Variants in RPS6KA2 observed in about 807,000 individuals in gnomAD.
RPS6KA2 encodes the protein ribosomal protein S6 kinase A2.
In RPS6KA2, 42 loss-of-function variants were observed where a neutral mutation model predicts 91.8. That is an observed-to-expected ratio of 0.46 (90% CI 0.36 to 0.59). The LOEUF (loss-of-function observed/expected upper bound fraction) is 0.59, where lower values mean the gene tolerates loss of function less well. Ranked by LOEUF, RPS6KA2 falls within the 20% of genes least tolerant of loss-of-function variation. The probability of loss-of-function intolerance (pLI) is 0.00; values close to 1 mark genes in which losing one functional copy is unlikely to be tolerated. For missense variants in RPS6KA2, 798 were observed against 978.5 expected, an observed-to-expected ratio of 0.82 and a Z score of 2.46; for synonymous variants, 414 against 393.6, an observed-to-expected ratio of 1.05 and a Z score of -0.61.
chr6:166,774,060 A>T (rs1778550194), intron 2 of RPS6KA2, among the ~76,000 whole-genome samples: 1 of 152,214 alleles, frequency 6.6e-6, no homozygotes, highest in Non-Finnish European at 1.5e-5. Flanking sequence ...TTAAGTCTAG[A>T]AAGTGACCCA....
rs1288852065 is a variant in RPS6KA2, at chr6:166,821,529, G to GC, written c.123+36670dup. On this transcript the variant is annotated intron_variant, in intron 2 of 21. Coordinates refer to the RPS6KA2 transcript ENST00000503859. This position sits in a 1 kb window ranked among gnomAD's most constrained non-coding sequence, Gnocchi z 4.1. The stretch of plus-strand genomic sequence containing the variant: ...TCCATCCTTAGCCTGGCACGGGTCT[G>GC]CCCTGTCCATGTGCATCCTCCGTGT... Among the ~76,000 whole-genome samples the GC allele has an allele frequency of 6.6e-6, 1 of 152,162 alleles. No individual in the cohort carries two copies. Among genetic ancestry groups the GC allele is most frequent in the East Asian group, 1.9e-4 (1 of 5,190 alleles).
intron 1 of RPS6KA2, among the ~76,000 whole-genome samples, chr6:166,580,491 G>A (rs1465987139): frequency 1.3e-5 from 2 of 152,228 alleles, no homozygotes; most frequent in African/African-American, 4.8e-5. Context: ...AGAAAAGAAA[G>A]GTGAGTGCAT....
chr6:166,839,643 C>A, intron 2 of RPS6KA2, among the ~76,000 whole-genome samples: 1 of 80,020 alleles, frequency 1.2e-5, no homozygotes, highest in Non-Finnish European at 2.5e-5. Flanking sequence ...CCAATGTAGT[C>A]ACAAGGGTGC....
intron 2 of RPS6KA2, among the ~76,000 whole-genome samples, chr6:166,689,165 C>T (rs977923485): frequency 6.6e-6 from 1 of 152,272 alleles, no homozygotes; most frequent in Non-Finnish European, 1.5e-5. Context: ...CCAAAGCCCT[C>T]GCTTTCTCAG....
At chr6:166,509,142 G>C (rs536249096) in intron 4 of RPS6KA2, among the ~76,000 whole-genome samples, 1 of 152,308 alleles carries the variant, frequency 6.6e-6, no homozygotes, top group African/African-American at 2.4e-5. Flanking sequence ...TAGAAACATA[G>C]CCCCCAGCTA....
intron 2 of RPS6KA2, among the ~76,000 whole-genome samples, chr6:166,851,240 C>A (rs1780733796): frequency 6.6e-6 from 1 of 152,180 alleles, no homozygotes; most frequent in African/African-American, 2.4e-5. Flanking sequence ...AGCCACGCCA[C>A]CAGTCCTCAG....
intron 2 of RPS6KA2, among the ~76,000 whole-genome samples, chr6:166,797,918 C>A (rs1214269103): frequency 6.6e-6 from 1 of 151,948 alleles, no homozygotes; most frequent in African/African-American, 2.4e-5. Flanking sequence ...GTAAAAGAAT[C>A]AAACCTTGAT....
chr6:166,646,333 A>T (rs772916458), intron 2 of RPS6KA2, among the ~76,000 whole-genome samples: 5 of 152,148 alleles, frequency 3.3e-5, no homozygotes, highest in Non-Finnish European at 7.4e-5. Flanking sequence ...CTGGACCCAC[A>T]CGCCCACACG....
chr6:166,641,586 A>C (rs1009175464), intron 2 of RPS6KA2, among the ~76,000 whole-genome samples: 2 of 151,446 alleles, frequency 1.3e-5, no homozygotes, highest in African/African-American at 4.9e-5. Flanking sequence ...CAGCCAGTGT[A>C]GTGGTGCATG....
chr6:166,762,041 G>A (rs1242575362), intron 2 of RPS6KA2, among the ~76,000 whole-genome samples: 2 of 152,220 alleles, frequency 1.3e-5, no homozygotes, highest in African/African-American at 4.8e-5. Flanking sequence ...GCAGACAGGA[G>A]TGAGAAGCAG....
intron 2 of RPS6KA2, among the ~76,000 whole-genome samples, chr6:166,695,315 C>T (rs1188676270): frequency 6.6e-6 from 1 of 152,170 alleles, no homozygotes; most frequent in Non-Finnish European, 1.5e-5. Context: ...ACAAACACAA[C>T]ACAAACAGAA....
chr6:166,786,641 A>C (rs933483360), intron 2 of RPS6KA2, among the ~76,000 whole-genome samples: 1 of 152,236 alleles, frequency 6.6e-6, no homozygotes, highest in Admixed American at 6.5e-5. Context: ...ATAAACAAAA[A>C]TGCTACAATT....
rs1780192985 is a variant in RPS6KA2, at chr6:166,459,148, C to A, written c.1075+301G>T. 6.6e-6 allele frequency among the ~76,000 whole-genome samples: 1 copy of A among 152,192 alleles called. No homozygotes were observed. The highest frequency in any genetic ancestry group is 1.5e-5 in the Non-Finnish European group (1 of 68,036). ...GAGGGATTTTAATTGCCTCCAGTTT[C>A]TTTTCTTGCTCTTGCTGTGTGTCTC... On this transcript the variant is annotated intron_variant, in intron 12 of 20. Transcript: ENST00000265678. This position sits in a 1 kb window ranked among gnomAD's most constrained non-coding sequence, Gnocchi z 4.9.
chr6:166,565,809 C>T (rs567799788), intron 1 of RPS6KA2, among the ~76,000 whole-genome samples: 2 of 152,272 alleles, frequency 1.3e-5, no homozygotes, highest in South Asian at 4.1e-4. Flanking sequence ...TGTGACCGAG[C>T]TATCAGCTAG....
intron 2 of RPS6KA2, among the ~76,000 whole-genome samples, chr6:166,640,236 C>G (rs1447605632): frequency 6.6e-6 from 1 of 151,790 alleles, no homozygotes; most frequent in African/African-American, 2.4e-5. Context: ...AAAAACCCAT[C>G]ATAGAAAAAT....
intron 2 of RPS6KA2, among the ~76,000 whole-genome samples, chr6:166,713,011 A>T (rs188913248): frequency 6.6e-6 from 1 of 152,308 alleles, no homozygotes; most frequent in East Asian, 1.9e-4. Flanking sequence ...GGCACAGATC[A>T]GGAGAACAGG....
intron 2 of RPS6KA2, among the ~76,000 whole-genome samples, chr6:166,777,880 A>G (rs757819697): frequency 4.6e-5 from 7 of 152,222 alleles, no homozygotes; most frequent in Non-Finnish European, 1.0e-4. Flanking sequence ...AAGCTATAAA[A>G]GAGACATCTA....
Position 166,635,769 on chromosome 6 carries a change from C to T in RPS6KA2, c.124-96985G>A, listed in dbSNP as rs1787217790. Among the ~76,000 whole-genome samples, 1 of 152,080 alleles carries T rather than the reference C, an allele frequency of 6.6e-6. No homozygotes were observed. The highest frequency in any genetic ancestry group is 1.5e-5 in the Non-Finnish European group (1 of 67,996). ...ACTCTGAGCCTGCCCACCTACTGCG[C>T]TCACCCCAGGACAAGCCACCATCCC... is the stretch of plus-strand genomic sequence containing the variant. On this transcript the variant is annotated intron_variant, in intron 2 of 21. Transcript: ENST00000503859. This position sits in a 1 kb window ranked among gnomAD's most constrained non-coding sequence, Gnocchi z 4.8.
intron 2 of RPS6KA2, among the ~76,000 whole-genome samples, chr6:166,664,703 A>G (rs929210785): frequency 3.3e-5 from 5 of 152,264 alleles, no homozygotes; most frequent in African/African-American, 1.2e-4. Context: ...TTTAGTTACA[A>G]AATTCAGTTT....
Sources: gnomAD v4.1 joint callset for allele counts (sites outside exome capture counted in the v4.1 genomes callset) on GRCh38, gnomAD v4.1.1 for gene constraint, Gnocchi (gnomAD v3.1) non-coding constraint, MANE v1.5 for transcripts, NCBI Gene and HGNC (gene_info 2026-07-23, HGNC 2026-07-21) for gene names.